The following NDUFAF6 variants were observed in gnomAD, a reference collection of about 807,000 sequenced individuals.
NDUFAF6 encodes the protein NADH:ubiquinone oxidoreductase complex assembly factor 6, also known as NADH dehydrogenase (ubiquinone) complex I, assembly factor 6.
Under a neutral mutation model 40.8 loss-of-function variants are expected in NDUFAF6, and 45 were observed. The observed-to-expected ratio is 1.10, with a 90% CI of 0.87 to 1.42. NDUFAF6 has a LOEUF of 1.42. Among genes scored for constraint, NDUFAF6 ranks in the 40% most tolerant of loss-of-function variants. NDUFAF6 has a pLI of 0.00. For missense variants in NDUFAF6, 435 were observed against 418.5 expected, an observed-to-expected ratio of 1.04 and a Z score of -0.34; for synonymous variants, 185 against 155.9, an observed-to-expected ratio of 1.19 and a Z score of -1.39.
At chr8:95,090,285 G>A (rs1260996897) in intron 2 of NDUFAF6, among the ~76,000 whole-genome samples, 5 of 152,080 alleles carry the variant, frequency 3.3e-5, no homozygotes, top group African/African-American at 1.2e-4. Flanking sequence ...CACATTCCTA[G>A]GCCATTTACC....
intron 5 of NDUFAF6, among the ~76,000 whole-genome samples, chr8:95,116,109 G>A (rs970758210): frequency 6.5e-4 from 99 of 152,074 alleles, no homozygotes; most frequent in Non-Finnish European, 2.1e-4. Flanking sequence ...CTGCACTCCA[G>A]CCTGGGCGAA....
upstream of NDUFAF6, among the ~76,000 whole-genome samples, chr8:95,021,286 GAT>G (rs2131698735): frequency 6.6e-6 from 1 of 152,294 alleles, no homozygotes; most frequent in Admixed American, 6.5e-5. Flanking sequence ...CCTCCTTGAA[GAT>G]ACAGCACACA....
chr8:94,962,759 C>T (rs1216368445), intron 1 of NDUFAF6, among the ~76,000 whole-genome samples: 1 of 151,700 alleles, frequency 6.6e-6, no homozygotes, highest in African/African-American at 2.4e-5. Flanking sequence ...ATGGCATTAG[C>T]CACTGCACCT....
chr8:95,038,503 C>G (rs967065956), intron 3 of NDUFAF6, among the ~76,000 whole-genome samples: 2 of 151,888 alleles, frequency 1.3e-5, no homozygotes, highest in African/African-American at 4.8e-5. Context: ...TGCTACCACA[C>G]CTGGCTGATG....
intron 2 of NDUFAF6, among the ~76,000 whole-genome samples, chr8:95,014,880 T>C (rs28363725): frequency 0.14 from 21,832 of 152,208 alleles, 1,588 homozygotes; most frequent in Middle Eastern, 0.25. Context: ...CCCCTACCAG[T>C]TCTAGAGTTG....
intron 1 of NDUFAF6, among the ~76,000 whole-genome samples, chr8:94,924,924 G>A (rs1971212): frequency 0.76 from 115,387 of 152,032 alleles, 45,837 homozygotes; most frequent in East Asian, 0.89. Flanking sequence ...TGTATTTTTA[G>A]TAGAGATGGG....
chr8:94,904,926 G>A lies in NDUFAF6; in HGVS notation c.-936+8999G>A, dbSNP rs922336862. Among the ~76,000 whole-genome samples the A allele has an allele frequency of 1.4e-4, 21 of 152,244 alleles. No homozygotes were observed. The East Asian group carries it at 1.9e-3, about 14-fold the overall frequency. On this transcript the variant is annotated intron_variant, in intron 1 of 14. Transcript: ENST00000396113. ...TAAAATTTTCTTCTTCTGGCCAGGC[G>A]CGGTGGCTCATGCCTGTAATCCCAG... is the stretch of plus-strand genomic sequence containing the variant.
intron 2 of NDUFAF6, among the ~76,000 whole-genome samples, chr8:94,948,907 CGCCTCTGTCA>C (rs1193086764): frequency 1.3e-5 from 2 of 151,354 alleles, no homozygotes; most frequent in African/African-American, 4.8e-5. Context: ...GCGCCGCCGC[CGCCTCTGTCA>C]GCCTCTGTCC....
intron 6 of NDUFAF6, among the ~76,000 whole-genome samples, chr8:95,047,859 G>A (rs888143397): frequency 6.6e-6 from 1 of 150,408 alleles, no homozygotes; most frequent in African/African-American, 2.4e-5. Flanking sequence ...CAAACTTTTT[G>A]TATGTTTCTT....
intron 2 of NDUFAF6, among the ~76,000 whole-genome samples, chr8:94,986,663 G>A (rs1825922040): frequency 6.6e-6 from 1 of 152,094 alleles, no homozygotes; most frequent in Admixed American, 6.5e-5. Flanking sequence ...TTTTTCCTTA[G>A]GGTCCTCAAA....
At chr8:95,059,072 T>C (rs1464230331), downstream of NDUFAF6, among the ~76,000 whole-genome samples, 1 of 152,146 alleles carries the variant, frequency 6.6e-6, no homozygotes, top group African/African-American at 2.4e-5. Context: ...AATATAAAAC[T>C]TTTAGAAAAT....
In NDUFAF6 at chr8:94,910,989, A is replaced by G. The variant is rs565676129; in HGVS notation, c.-936+15062A>G. On this transcript the variant is annotated intron_variant, in intron 1 of 14. Coordinates refer to the NDUFAF6 transcript ENST00000396113. Reference sequence around the variant, plus strand: ...TGATAAACATTGCAGAGTGATGTTAATGGAAAATGTTAAAGTAAGATCTTA... The same window carrying G: ...TGATAAACATTGCAGAGTGATGTTAGTGGAAAATGTTAAAGTAAGATCTTA... 2.6e-5 allele frequency among the ~76,000 whole-genome samples: 4 copies of G among 152,354 alleles called. No individual in the cohort carries two copies. The South Asian group carries it at 8.3e-4, about 32-fold the overall frequency.
intron 2 of NDUFAF6, among the ~76,000 whole-genome samples, chr8:95,093,194 C>T (rs1357557406): frequency 6.6e-6 from 1 of 152,134 alleles, no homozygotes; most frequent in Non-Finnish European, 1.5e-5. Context: ...CATTCTGACC[C>T]ACCACTCATT....
chr8:95,108,999 A>C (rs766004931), intron 4 of NDUFAF6, among the ~76,000 whole-genome samples: 15 of 152,218 alleles, frequency 9.9e-5, no homozygotes, highest in Non-Finnish European at 1.6e-4. Flanking sequence ...AGTGGAATAC[A>C]GGTATTCATT....
intron 3 of NDUFAF6, among the ~76,000 whole-genome samples, 167 bp downstream of exon 3, chr8:95,035,743 C>T (rs1829429855): frequency 6.6e-6 from 1 of 152,142 alleles, no homozygotes; most frequent in Non-Finnish European, 1.5e-5. Flanking sequence ...TTTAAAATCA[C>T]CCACTGATAA....
chr8:95,075,119 T>A (rs1401960405), intron 9 of NDUFAF6, among the ~76,000 whole-genome samples: 1 of 152,168 alleles, frequency 6.6e-6, no homozygotes, highest in African/African-American at 2.4e-5. Flanking sequence ...AAGGATCCCA[T>A]TCATGTGGGT....
chr8:95,039,346 G>C (rs1221543603), intron 3 of NDUFAF6, among the ~76,000 whole-genome samples: 1 of 151,778 alleles, frequency 6.6e-6, no homozygotes, highest in Non-Finnish European at 1.5e-5. Flanking sequence ...CCAGTTACTC[G>C]GGAGGCTGAG....
chr8:95,003,961 G>T (rs1297357348), intron 2 of NDUFAF6, among the ~76,000 whole-genome samples: 1 of 152,200 alleles, frequency 6.6e-6, no homozygotes, highest in Non-Finnish European at 1.5e-5. Flanking sequence ...GAGGAGCTCT[G>T]TTCTGCTTGC....
At chr8:95,083,329 C>T (rs1325442538) in intron 2 of NDUFAF6, among the ~76,000 whole-genome samples, 2 of 152,130 alleles carry the variant, frequency 1.3e-5, no homozygotes, top group African/African-American at 4.8e-5. Context: ...TATTCTGTAG[C>T]ATTTATCAGT....
Sources: allele counts gnomAD v4.1 joint callset (sites outside exome capture counted in the v4.1 genomes callset), GRCh38; gene constraint gnomAD v4.1.1; transcripts MANE v1.5; gene names NCBI Gene and HGNC (gene_info 2026-07-23, HGNC 2026-07-21).